POU2F1: variants seen among roughly 807,000 people sequenced by gnomAD.
POU2F1 encodes POU class 2 homeobox 1.
POU2F1 carries 16 observed loss-of-function variants against 84.9 expected under a neutral mutation model. The ratio of observed to expected loss-of-function variants is 0.19; its 90% CI spans 0.13 to 0.29. POU2F1 has a LOEUF of 0.29. Among genes scored for constraint, POU2F1 ranks in the 10% least tolerant of loss-of-function variants. The pLI is 1.00. For synonymous variants in POU2F1, 368 were observed against 368.3 expected, an observed-to-expected ratio of 1.00 and a Z score of 0.01; for missense variants, 738 against 942.6, an observed-to-expected ratio of 0.78 and a Z score of 2.84.
At chr1:167,245,756 T>C (rs935868283) in intron 1 of POU2F1, among the ~76,000 whole-genome samples, 1 of 152,178 alleles carries the variant, frequency 6.6e-6, no homozygotes, top group African/African-American at 2.4e-5. Flanking sequence ...ATGGTTTCAC[T>C]GTATTGCCCA....
At chr1:167,323,453 A>G (rs1264905331) in intron 1 of POU2F1, among the ~76,000 whole-genome samples, 3 of 152,210 alleles carry the variant, frequency 2.0e-5, no homozygotes, top group African/African-American at 7.2e-5. Context: ...GACCAGAAAC[A>G]TGTCATTTCA....
At chr1:167,293,569 A>G (rs1654074818) in intron 1 of POU2F1, among the ~76,000 whole-genome samples, 1 of 152,224 alleles carries the variant, frequency 6.6e-6, no homozygotes, top group South Asian at 2.1e-4. Context: ...CCCTATCAAA[A>G]TACCAACATC....
At chr1:167,407,133 C>T (rs570463127) in intron 13 of POU2F1, among the ~76,000 whole-genome samples, 15 of 152,074 alleles carry the variant, frequency 9.9e-5, no homozygotes, top group Non-Finnish European at 1.9e-4. Flanking sequence ...CAGGCTCAAG[C>T]AGTCCTCCCA....
intron 14 of POU2F1, 42 bp from the exon 15 acceptor site, chr1:167,412,984 C>G: frequency 6.7e-7 from 1 of 1,489,068 alleles, no homozygotes; most frequent in African/African-American, 1.4e-5. Context: ...ATGAGACCTG[C>G]GTCTGCATGG....
chr1:167,240,184 A>G (rs959086172), intron 1 of POU2F1, among the ~76,000 whole-genome samples: 4 of 152,240 alleles, frequency 2.6e-5, no homozygotes, highest in Non-Finnish European at 5.9e-5. Flanking sequence ...TCTCTTAGAC[A>G]TTAGTAGTAC....
At chr1:167,233,385 G>A (rs937735536) in intron 1 of POU2F1, among the ~76,000 whole-genome samples, 1 of 150,612 alleles carries the variant, frequency 6.6e-6, no homozygotes, top group Non-Finnish European at 1.5e-5. Flanking sequence ...CAGTCCTCTT[G>A]GCTTGGCCTC....
chr1:167,377,124 A>G (rs1449320945), intron 7 of POU2F1, among the ~76,000 whole-genome samples: 6 of 152,240 alleles, frequency 3.9e-5, no homozygotes, highest in South Asian at 2.1e-4. Flanking sequence ...TTTGAGAACT[A>G]TAAGTAGTGC....
intron 1 of POU2F1, among the ~76,000 whole-genome samples, chr1:167,325,109 TATTG>T (rs1222734460): frequency 6.6e-6 from 1 of 152,198 alleles, no homozygotes; most frequent in Non-Finnish European, 1.5e-5. Context: ...TGTAAATAAT[TATTG>T]ATAATGCTTG....
At chr1:167,372,322 G>A (rs1380541409) in intron 5 of POU2F1, among the ~76,000 whole-genome samples, 1 of 152,174 alleles carries the variant, frequency 6.6e-6, no homozygotes, top group East Asian at 1.9e-4. Context: ...ATGCAATGGA[G>A]TAATTATCAT....
chr1:167,283,460 A>C (rs970660949), intron 1 of POU2F1, among the ~76,000 whole-genome samples: 1 of 152,226 alleles, frequency 6.6e-6, no homozygotes, highest in African/African-American at 2.4e-5. Context: ...ATTAGAATCC[A>C]GTAAATGTTT....
chr1:167,316,396 A>G (rs1655900412), intron 1 of POU2F1, among the ~76,000 whole-genome samples: 1 of 152,228 alleles, frequency 6.6e-6, no homozygotes, highest in African/African-American at 2.4e-5. Context: ...TTTCAGAAGA[A>G]GAAATAGTTC....
At chr1:167,403,948 T>A (rs1381867206) in intron 13 of POU2F1, among the ~76,000 whole-genome samples, 1 of 152,200 alleles carries the variant, frequency 6.6e-6, no homozygotes, top group Non-Finnish European at 1.5e-5. Context: ...TATTTTTCCT[T>A]TGAATTTTGT....
intron 1 of POU2F1, among the ~76,000 whole-genome samples, chr1:167,329,661 T>C (rs1378159421): frequency 6.6e-6 from 1 of 152,096 alleles, no homozygotes; most frequent in African/African-American, 2.4e-5. Flanking sequence ...ACATATATAA[T>C]ATATACATAT....
chr1:167,297,526 G>A (rs1654366430), intron 1 of POU2F1, among the ~76,000 whole-genome samples: 1 of 152,148 alleles, frequency 6.6e-6, no homozygotes, highest in African/African-American at 2.4e-5. Context: ...TTAAAAGTAA[G>A]ACTATATCAG....
chr1:167,421,871 G>A lies in POU2F1; in HGVS notation c.*6061G>A, dbSNP rs1650668036. On this transcript the variant is annotated 3_prime_UTR_variant, in exon 16 of 16. Transcript: ENST00000367866. Reference sequence around the variant, plus strand: ...ACAAGATTGATGCTGTATGTATTTGGGATCCTGTTTATAGGTTACAATTTA... The same window carrying A: ...ACAAGATTGATGCTGTATGTATTTGAGATCCTGTTTATAGGTTACAATTTA... The A allele has an allele frequency of 1.3e-5, 2 of 149,296 alleles. No homozygotes were observed. The highest frequency in any genetic ancestry group is 1.3e-4 in the Admixed American group (2 of 15,052). 9.2% of individuals were successfully genotyped at this position (149,296 alleles called of 1,614,324 possible).
chr1:167,297,844 ACC>A (rs1439716021), intron 1 of POU2F1, among the ~76,000 whole-genome samples: 4 of 152,130 alleles, frequency 2.6e-5, no homozygotes, highest in Admixed American at 1.3e-4. Flanking sequence ...CTGAGGATGG[ACC>A]CTAAGGAACA....
chr1:167,306,783 A>G (rs904382090), intron 1 of POU2F1, among the ~76,000 whole-genome samples: 3 of 152,140 alleles, frequency 2.0e-5, no homozygotes, highest in Non-Finnish European at 4.4e-5. Flanking sequence ...TCCCCTTTAT[A>G]TAAGGATAGC....
intron 1 of POU2F1, among the ~76,000 whole-genome samples, chr1:167,276,947 A>G (rs370546099): frequency 5.5e-4 from 84 of 152,336 alleles, no homozygotes; most frequent in African/African-American, 2.0e-3. Context: ...GAGTTTAATG[A>G]GTGAGTAGAA....
chr1:167,386,786 G>C (rs1160199976), intron 8 of POU2F1, among the ~76,000 whole-genome samples: 1 of 152,188 alleles, frequency 6.6e-6, no homozygotes, highest in African/African-American at 2.4e-5. Flanking sequence ...ACTGCATACA[G>C]TATGATTCAA....
Sources: allele counts gnomAD v4.1 joint callset (sites outside exome capture counted in the v4.1 genomes callset), GRCh38; gene constraint gnomAD v4.1.1; transcripts MANE v1.5; gene names NCBI Gene and HGNC (gene_info 2026-07-23, HGNC 2026-07-21).